TENM3: variants seen among roughly 807,000 people sequenced by gnomAD.
TENM3 encodes teneurin-3.
A neutral mutation model predicts 255.1 loss-of-function variants in TENM3; 63 were observed. That is an observed-to-expected ratio of 0.25 (90% CI 0.20 to 0.30). The LOEUF (loss-of-function observed/expected upper bound fraction) is 0.30, where lower values mean the gene tolerates loss of function less well. TENM3 is among the 10% of genes least tolerant of loss of function. The probability of loss-of-function intolerance (pLI) is 1.00; values close to 1 mark genes in which losing one functional copy is unlikely to be tolerated. For missense variants in TENM3, 2,929 were observed against 3,461.1 expected, an observed-to-expected ratio of 0.85 and a Z score of 3.86; for synonymous variants, 1,306 against 1,322.3, an observed-to-expected ratio of 0.99 and a Z score of 0.27.
rs534377271 is a variant in TENM3 at position 182,743,072 on chromosome 4, C to G, written c.3380-98C>G. 7.1e-5 allele frequency: 91 copies of G among 1,275,290 alleles called. 1 individual carries two copies. The highest frequency in any genetic ancestry group is 6.1e-4 in the Middle Eastern group (3 of 4,944). 79.0% of individuals were successfully genotyped at this position (1,275,290 alleles called of 1,614,324 possible). A position where few individuals can be genotyped will look rare whatever the true frequency, so the allele number is the denominator to read the frequency against. ...TAAGAATGTCTTAATCCAGACCTGA[C>G]AGGCATTGAATTATAGTTAAAACAA... On this transcript the variant is annotated intron_variant, in intron 18 of 27. Coordinates refer to ENST00000511685, the MANE Select transcript of TENM3 (RefSeq NM_001080477.4).
intron 4 of TENM3, among the ~76,000 whole-genome samples, chr4:182,608,169 G>A (rs1748614566): frequency 6.6e-6 from 1 of 152,116 alleles, no homozygotes; most frequent in Admixed American, 6.5e-5. Context: ...CATATTTTAT[G>A]TCTACTTGAC....
chr4:182,073,152 G>A, the TENM3 span, among the ~76,000 whole-genome samples: 4 of 152,200 alleles, frequency 2.6e-5, no homozygotes, highest in Non-Finnish European at 5.9e-5. Flanking sequence ...GGCAGGAGGC[G>A]AAGCAGAAGC....
At chr4:182,589,074 A>G (rs1263375511) in intron 3 of TENM3, among the ~76,000 whole-genome samples, 1 of 152,214 alleles carries the variant, frequency 6.6e-6, no homozygotes, top group African/African-American at 2.4e-5. Flanking sequence ...GAATAAATAT[A>G]TATTCTGTTT....
intron 1 of TENM3, among the ~76,000 whole-genome samples, chr4:182,227,597 C>T (rs1003583038): frequency 1.3e-5 from 2 of 150,478 alleles, no homozygotes; most frequent in African/African-American, 2.4e-5. Context: ...TAAGAAGCCT[C>T]GCTTTAGTCT....
intron 1 of TENM3, among the ~76,000 whole-genome samples, chr4:182,318,000 A>G (rs929010164): frequency 2.0e-5 from 3 of 152,222 alleles, no homozygotes; most frequent in African/African-American, 7.2e-5. Flanking sequence ...CTCTGTACAA[A>G]GAACTTAATT....
upstream of TENM3, among the ~76,000 whole-genome samples, chr4:182,243,059 T>C (rs72698045): frequency 0.074 from 11,225 of 152,252 alleles, 584 homozygotes; most frequent in Non-Finnish European, 0.11. Flanking sequence ...AATTCAACTT[T>C]AGATGTATTG....
chr4:182,517,867 T>G (rs1738159010), intron 3 of TENM3, among the ~76,000 whole-genome samples: 1 of 152,168 alleles, frequency 6.6e-6, no homozygotes, highest in Non-Finnish European at 1.5e-5. Context: ...ATTCTACTAA[T>G]GCATATAAAA....
chr4:182,366,862 C>G (rs892231698), intron 3 of TENM3, among the ~76,000 whole-genome samples: 3 of 152,080 alleles, frequency 2.0e-5, no homozygotes, highest in Admixed American at 6.6e-5. Flanking sequence ...TTATCAAGAT[C>G]TATTTTTCAG....
the TENM3 span, among the ~76,000 whole-genome samples, chr4:182,120,291 G>A: frequency 6.6e-6 from 1 of 152,088 alleles, no homozygotes; most frequent in Middle Eastern, 3.2e-3. Flanking sequence ...GGAGCCATAG[G>A]CCCTACCATA....
upstream of TENM3, chr4:182,143,289 C>G (rs62352023): frequency 0.34 from 56,680 of 166,942 alleles, 10,177 homozygotes; most frequent in Non-Finnish European, 0.4. This position sits in a 1 kb window ranked among gnomAD's most constrained non-coding sequence, Gnocchi z 4.3. Flanking sequence ...CTGCAGTGCC[C>G]ACCAGGGGCT....
intron 3 of TENM3, among the ~76,000 whole-genome samples, chr4:182,593,227 A>G (rs1331989327): frequency 6.6e-6 from 1 of 152,178 alleles, no homozygotes; most frequent in Non-Finnish European, 1.5e-5. Context: ...ACTTGCTATC[A>G]TTATTATTCA....
At chr4:182,443,196 A>G (rs1434548385) in intron 3 of TENM3, among the ~76,000 whole-genome samples, 1 of 152,038 alleles carries the variant, frequency 6.6e-6, no homozygotes, top group Admixed American at 6.5e-5. Flanking sequence ...ACTCCCCAAA[A>G]TGTATTCATA....
chr4:182,356,279 G>C (rs1765520334), intron 3 of TENM3, among the ~76,000 whole-genome samples: 1 of 152,282 alleles, frequency 6.6e-6, no homozygotes, highest in Admixed American at 6.5e-5. Flanking sequence ...GAGGTGAGAG[G>C]ATGGCTTGAG....
At position 182,424,538 on chromosome 4, in the gene TENM3, A is replaced by G. The variant is rs1010132924; in HGVS notation, c.511+77609A>G. 3.3e-5 allele frequency among the ~76,000 whole-genome samples: 5 copies of G among 151,602 alleles called. No individual in the cohort carries two copies. The East Asian group carries it at 9.6e-4, about 29-fold the overall frequency. ...TTTTTTAAAAAAAATGTACATGACCAAAAATATTTAATGTAAGAATGTTTC... is the reference window on the plus strand; with the variant it reads ...TTTTTTAAAAAAAATGTACATGACCGAAAATATTTAATGTAAGAATGTTTC... On this transcript the variant is annotated intron_variant, in intron 3 of 27. Coordinates refer to ENST00000511685, the MANE Select transcript of TENM3 (RefSeq NM_001080477.4).
At chr4:181,628,834 T>C in the TENM3 span, among the ~76,000 whole-genome samples, 1 of 152,176 alleles carries the variant, frequency 6.6e-6, no homozygotes, top group Non-Finnish European at 1.5e-5. Context: ...TTTGGTTCCA[T>C]ATGAACTTTA....
the TENM3 span, among the ~76,000 whole-genome samples, chr4:181,884,979 TTTTGTTTC>T: frequency 1.3e-5 from 2 of 152,180 alleles, no homozygotes. Context: ...TAAATCTTAT[TTTTGTTTC>T]TTTGTTTAAA....
At chr4:182,064,306 C>T in the TENM3 span, among the ~76,000 whole-genome samples, 10 of 152,052 alleles carry the variant, frequency 6.6e-5, no homozygotes, top group Non-Finnish European at 1.3e-4. Context: ...GGGCTGGGCG[C>T]GGTGGCTCAC....
At chr4:181,652,239 A>C in the TENM3 span, among the ~76,000 whole-genome samples, 4 of 152,014 alleles carry the variant, frequency 2.6e-5, no homozygotes, top group Admixed American at 2.0e-4. Flanking sequence ...TATTTCTTCA[A>C]AGAAGAGGGT....
chr4:182,475,884 A>G (rs1031947305), intron 3 of TENM3, among the ~76,000 whole-genome samples: 8 of 152,202 alleles, frequency 5.3e-5, no homozygotes, highest in African/African-American at 1.9e-4. Flanking sequence ...TGGATTCCAG[A>G]AGAGAATTCA....
Sources: allele counts gnomAD v4.1 joint callset (sites outside exome capture counted in the v4.1 genomes callset), GRCh38; gene constraint gnomAD v4.1.1; non-coding constraint Gnocchi (gnomAD v3.1); transcripts MANE v1.5; gene names NCBI Gene and HGNC (gene_info 2026-07-23, HGNC 2026-07-21).